The following ANXA8 variants were observed in gnomAD, a reference collection of about 807,000 sequenced individuals.
ANXA8 encodes the protein VAC-beta.
ANXA8 carries 9 observed loss-of-function variants against 26.8 expected under a neutral mutation model. The ratio of observed to expected loss-of-function variants is 0.34; its 90% CI spans 0.20 to 0.59. ANXA8 has a LOEUF of 0.59. ANXA8 is among the 20% of genes least tolerant of loss of function. ANXA8 has a pLI of 0.84. For synonymous variants in ANXA8, 39 were observed against 94.8 expected, an observed-to-expected ratio of 0.41 and a Z score of 3.42; for missense variants, 83 against 238.5, an observed-to-expected ratio of 0.35 and a Z score of 4.29.
chr10:47,969,102 C>A, the ANXA8 span, among the ~76,000 whole-genome samples: 1 of 150,316 alleles, frequency 6.7e-6, no homozygotes, highest in Non-Finnish European at 1.5e-5. Context: ...CAGGAGAAAA[C>A]CAACCCAGAG....
the ANXA8 span, among the ~76,000 whole-genome samples, chr10:47,492,638 G>C: frequency 7.2e-6 from 1 of 139,844 alleles, no homozygotes; most frequent in South Asian, 2.2e-4. Context: ...TCTTGGCTGT[G>C]TCCCTAATCA....
the ANXA8 span, among the ~76,000 whole-genome samples, chr10:47,945,038 C>T: frequency 7.6e-4 from 114 of 150,674 alleles, 11 homozygotes; most frequent in East Asian, 0.021. Context: ...GCCTACAACT[C>T]CCAGCTAGCC....
At chr10:47,559,142 CTT>C in the ANXA8 span, among the ~76,000 whole-genome samples, 259 of 73,250 alleles carry the variant, frequency 3.5e-3, no homozygotes, top group African/African-American at 7.6e-3. Context: ...TGGAGTCTTA[CTT>C]TTTTTTTTTT....
chr10:47,554,184 C>A, the ANXA8 span, among the ~76,000 whole-genome samples: 1 of 16,466 alleles, frequency 6.1e-5, no homozygotes, highest in Non-Finnish European at 9.1e-5. Flanking sequence ...CGCCTGTGGT[C>A]CCTGTGGTCC....
At chr10:47,630,948 T>G in the ANXA8 span, among the ~76,000 whole-genome samples, 1 of 149,968 alleles carries the variant, frequency 6.7e-6, no homozygotes, top group Non-Finnish European at 1.5e-5. Flanking sequence ...AATATGGAGA[T>G]TATAACAAAA....
chr10:47,708,912 C>CA, the ANXA8 span, among the ~76,000 whole-genome samples: 1 of 149,386 alleles, frequency 6.7e-6, no homozygotes, highest in African/African-American at 2.5e-5. Context: ...TTTTGTTCCC[C>CA]AAAAGCTCTA....
the ANXA8 span, among the ~76,000 whole-genome samples, chr10:47,733,225 T>TCTCTCTC: frequency 5.1e-5 from 3 of 58,322 alleles, 1 homozygote; most frequent in African/African-American, 1.8e-4. Context: ...TTCTTTCTCT[T>TCTCTCTC]TCTTTCTCTC....
the ANXA8 span, among the ~76,000 whole-genome samples, chr10:47,586,378 T>A: frequency 6.9e-5 from 10 of 145,756 alleles, 3 homozygotes; most frequent in African/African-American, 2.8e-4. Context: ...CCTCCTTGAG[T>A]ATAATTACCA....
the ANXA8 span, among the ~76,000 whole-genome samples, chr10:47,940,814 T>G: frequency 5.1e-4 from 63 of 124,588 alleles, no homozygotes; most frequent in African/African-American, 2.1e-3. Flanking sequence ...GGCGACAGAG[T>G]GAGATTCCAT....
At chr10:47,495,812 C>A in the ANXA8 span, among the ~76,000 whole-genome samples, 1 of 151,122 alleles carries the variant, frequency 6.6e-6, no homozygotes, top group Non-Finnish European at 1.5e-5. Context: ...CAGGGAAGTG[C>A]AGAAGAACAG....
the ANXA8 span, among the ~76,000 whole-genome samples, chr10:47,644,444 C>T: frequency 2.6e-5 from 4 of 152,010 alleles, no homozygotes; most frequent in African/African-American, 9.7e-5. Context: ...ATAGACAATA[C>T]GCAAATGAAT....
At chr10:47,960,695 T>C in the ANXA8 span, among the ~76,000 whole-genome samples, 4 of 148,622 alleles carry the variant, frequency 2.7e-5, no homozygotes. Context: ...TCAGATTCAA[T>C]AATTGAACAT....
At chr10:47,944,742 C>A in the ANXA8 span, among the ~76,000 whole-genome samples, 1 of 150,580 alleles carries the variant, frequency 6.6e-6, no homozygotes, top group Non-Finnish European at 1.5e-5. Context: ...GATTGAGAGG[C>A]CTCTCCAGCC....
chr10:47,649,416 T>TC, the ANXA8 span, among the ~76,000 whole-genome samples: 1 of 151,550 alleles, frequency 6.6e-6, no homozygotes, highest in African/African-American at 2.4e-5. Flanking sequence ...AAATTAAATT[T>TC]TTTTTTTTGG....
chr10:47,747,448 A>G, the ANXA8 span, among the ~76,000 whole-genome samples: 1 of 135,824 alleles, frequency 7.4e-6, no homozygotes. Flanking sequence ...TAATAATCAC[A>G]TCAGACACTC....
the ANXA8 span, chr10:47,502,976 T>A: frequency 6.4e-7 from 1 of 1,562,638 alleles, no homozygotes; most frequent in African/African-American, 1.5e-5. Flanking sequence ...TTGGGGCTGG[T>A]GGTGCTGGAG....
At chr10:47,948,744 A>G in the ANXA8 span, among the ~76,000 whole-genome samples, 1 of 150,794 alleles carries the variant, frequency 6.6e-6, no homozygotes, top group African/African-American at 2.5e-5. Context: ...AACATACAAA[A>G]CCACCCATCC....
chr10:47,663,129 C>T, the ANXA8 span, among the ~76,000 whole-genome samples: 1 of 140,508 alleles, frequency 7.1e-6, no homozygotes. Flanking sequence ...CAGCAGTGAG[C>T]TGTGATCGCA....
chr10:47,702,371 T>G, the ANXA8 span, among the ~76,000 whole-genome samples: 1 of 150,692 alleles, frequency 6.6e-6, no homozygotes, highest in South Asian at 2.1e-4. Context: ...GATGGACTCT[T>G]GTTCTGTCAC....
Sources: allele counts gnomAD v4.1 joint callset (sites outside exome capture counted in the v4.1 genomes callset), GRCh38; gene constraint gnomAD v4.1.1; transcripts MANE v1.5; gene names NCBI Gene and HGNC (gene_info 2026-07-23, HGNC 2026-07-21).